SIGLEC6: variants seen among roughly 807,000 people sequenced by gnomAD.
SIGLEC6 encodes sialic acid-binding Ig-like lectin 6.
In SIGLEC6, 31 loss-of-function variants were observed where a neutral mutation model predicts 41.4. That is an observed-to-expected ratio of 0.75 (90% CI 0.56 to 1.01). The LOEUF (loss-of-function observed/expected upper bound fraction) is 1.01, where lower values mean the gene tolerates loss of function less well. Among genes scored for constraint, SIGLEC6 ranks in the 50% least tolerant of loss-of-function variants. The probability of loss-of-function intolerance (pLI) is 0.00; values close to 1 mark genes in which losing one functional copy is unlikely to be tolerated. For missense variants in SIGLEC6, 555 were observed against 558.6 expected (o/e 0.99, Z 0.06); for synonymous variants, 217 against 231.0 (o/e 0.94, Z 0.55).
rs570993725 is a variant in SIGLEC6 at position 51,518,606 on chromosome 19, C to T, written c.*1476G>A. Among the ~76,000 whole-genome samples, 2 of 152,342 alleles carry T rather than the reference C, an allele frequency of 1.3e-5. No individual in the cohort carries two copies. Among genetic ancestry groups the T allele is most frequent in the African/African-American group, 4.8e-5 (2 of 41,588 alleles). On this transcript the variant is annotated 3_prime_UTR_variant, in exon 8 of 8. Coordinates refer to ENST00000425629, the MANE Select transcript of SIGLEC6 (RefSeq NM_001245.7). The stretch of plus-strand genomic sequence containing the variant: ...CCACCCACCTCAGCCTCCCAAAGTG[C>T]TGGGATTACAGGCGTGAGCCACTGC...
At chr19:51,525,569 A>G (rs1979080094) in intron 7 of SIGLEC6, among the ~76,000 whole-genome samples, 1 of 152,156 alleles carries the variant, frequency 6.6e-6, no homozygotes, top group Non-Finnish European at 1.5e-5. Context: ...AGGATATCCC[A>G]GGGTCAACCC....
At chr19:51,528,385 G>A in intron 5 of SIGLEC6, 132 bp from the exon 6 acceptor site, 1 of 732,698 alleles carries the variant, frequency 1.4e-6, no homozygotes, top group South Asian at 1.7e-5. Flanking sequence ...ACTGCCCTGT[G>A]AACCCGGAAC....
rs3072157 is a variant in SIGLEC6 at position 51,529,001 on chromosome 19, C to CA, written c.1012+722dup. Among the ~76,000 whole-genome samples the CA allele has an allele frequency of 3.3e-3, 304 of 92,790 alleles. 4 individuals are homozygous for CA. Among genetic ancestry groups the CA allele is most frequent in the African/African-American group, 9.3e-3 (205 of 21,968 alleles). The allele number at this position is 92,790 out of a possible 152,430, so 60.9% of individuals were successfully genotyped here. A position where few individuals can be genotyped will look rare whatever the true frequency, so the allele number is the denominator to read the frequency against. On this transcript the variant is annotated intron_variant, in intron 5 of 7. Transcript: ENST00000425629. ...CTGGCAACAGAGTGAGACCCTCTCTCAAAAAAAAAAAAAAAAAGGGAAAAT... is the reference window on the plus strand; with the variant it reads ...CTGGCAACAGAGTGAGACCCTCTCTCAAAAAAAAAAAAAAAAAAGGGAAAAT...
At chr19:51,522,380 C>A (rs62116205) in intron 7 of SIGLEC6, among the ~76,000 whole-genome samples, 22 of 152,160 alleles carry the variant, frequency 1.4e-4, no homozygotes, top group African/African-American at 3.9e-4. Context: ...ACTACCTATG[C>A]GAAGAAGCTG....
At chr19:51,529,572 T>C in intron 5 of SIGLEC6, 152 bp downstream of exon 5, 1 of 913,022 alleles carries the variant, frequency 1.1e-6, no homozygotes, top group Admixed American at 2.4e-5. Context: ...GCCACTGCAG[T>C]GTGGACTCTA....
chr19:51,523,383 A>C (rs1399690181), intron 7 of SIGLEC6, among the ~76,000 whole-genome samples: 2 of 152,222 alleles, frequency 1.3e-5, no homozygotes, highest in Non-Finnish European at 2.9e-5. Context: ...GGATCCCAGA[A>C]AGGGGAAGGG....
intron 7 of SIGLEC6, among the ~76,000 whole-genome samples, chr19:51,523,739 C>T (rs949179044): frequency 3.3e-5 from 5 of 152,108 alleles, no homozygotes; most frequent in African/African-American, 7.2e-5. Flanking sequence ...AGTAAGGGTC[C>T]GCTGGGCACA....
intron 7 of SIGLEC6, among the ~76,000 whole-genome samples, chr19:51,523,760 C>T (rs1679302747): frequency 6.6e-6 from 1 of 152,334 alleles, no homozygotes; most frequent in South Asian, 2.1e-4. Flanking sequence ...GTGGCTCACG[C>T]CCGTAATCCC....
At chr19:51,525,462 C>G (rs1353438828) in intron 7 of SIGLEC6, among the ~76,000 whole-genome samples, 1 of 152,194 alleles carries the variant, frequency 6.6e-6, no homozygotes, top group Non-Finnish European at 1.5e-5. Context: ...GTCCCTGCCC[C>G]TGTTATTCCT....
chr19:51,530,902 C>G lies in SIGLEC6; in HGVS notation c.485G>C (p.Ser162Thr). The change falls in exon 3 of 8, where the codon AGC becomes ACC. Residue 162 changes from serine (S) to threonine (T), a missense_variant. Transcript: ENST00000425629. ...CCAGGGCACAGAGCAGGTCAGATTGCTGGGATGGCCAGACTCCAGGGTCCC... is the reference window on the plus strand; with the variant it reads ...CCAGGGCACAGAGCAGGTCAGATTGGTGGGATGGCCAGACTCCAGGGTCCC... ...IPGTLESGHP[S>T]NLTCSVPWVC... 1 of 1,613,572 alleles carries G rather than the reference C, an allele frequency of 6.2e-7. No individual in the cohort carries two copies. The highest frequency in any genetic ancestry group is 8.5e-7 in the Non-Finnish European group (1 of 1,179,994).
In SIGLEC6 at chr19:51,531,535, G is replaced by C. The variant is rs1194308226; in HGVS notation, c.68-16C>G. 1 of 1,613,862 alleles carries C rather than the reference G, an allele frequency of 6.2e-7. No homozygotes were observed. The highest frequency in any genetic ancestry group is 1.1e-5 in the South Asian group (1 of 91,050). On this transcript the variant is annotated splice_polypyrimidine_tract_variant and intron_variant, in intron 1 of 7. Coordinates refer to ENST00000425629, the MANE Select transcript of SIGLEC6 (RefSeq NM_001245.7). ...GCCAGGGCCCCTATGGAGACATGAG[G>C]GTCAGCTCGGCCCAGCCCCACGGCA...
At chr19:51,524,859 A>G (rs1045801506) in intron 7 of SIGLEC6, among the ~76,000 whole-genome samples, 2 of 152,198 alleles carry the variant, frequency 1.3e-5, no homozygotes, top group East Asian at 1.9e-4. Flanking sequence ...CAGGATTGGC[A>G]TGGAGCCAAG....
rs146192807 is a variant in SIGLEC6 at position 51,518,926 on chromosome 19, A to G, written c.*1156T>C. ...GAGTTCTGAACAGGGGGTGACACAG[A>G]CACCTGGTGCTGTGGCCTCTGGGCC... On this transcript the variant is annotated 3_prime_UTR_variant, in exon 8 of 8. Transcript: ENST00000425629. Among the ~76,000 whole-genome samples, 760 of 152,216 alleles carry G rather than the reference A, an allele frequency of 5.0e-3. 7 individuals carry two copies. The highest frequency in any genetic ancestry group is 0.018 in the African/African-American group (727 of 41,528).
Position 51,531,210 on chromosome 19 carries a change from T to C in SIGLEC6, c.377A>G (p.Lys126Arg), listed in dbSNP as rs201620881. ...AGATGTATAACCGTATTTCATCCAT[T>C]TGGACTTCAACCGAAAGAAGTATGC... Reference protein sequence around the residue: ...NAAYFFRLKSKWMKYGYTSSK... With the variant: ...NAAYFFRLKSRWMKYGYTSSK... Residue 126 changes from lysine to arginine, a missense_variant, in exon 2 of 8, where the codon AAA becomes AGA. Physicochemically the swap from Lys to Arg is conservative, Grantham distance 26. Coordinates refer to ENST00000425629, the MANE Select transcript of SIGLEC6 (RefSeq NM_001245.7). The C allele has an allele frequency of 7.4e-6, 12 of 1,611,324 alleles. No homozygotes were observed. The highest frequency in any genetic ancestry group is 4.5e-5 in the East Asian group (2 of 44,848).
In SIGLEC6 at chr19:51,531,611, A is replaced by G. The variant is rs1442803272; in HGVS notation, c.38T>C (p.Leu13Pro). The G allele has an allele frequency of 6.2e-7, 1 of 1,612,900 alleles. No homozygotes were observed. Among genetic ancestry groups the G allele is most frequent in the Non-Finnish European group, 8.5e-7 (1 of 1,179,480 alleles). ...CCACAGCAGGGGCAGCAGCAGCGGT[A>G]GCATCTCTGAGGCGGAGGCTTCCTG... is the stretch of plus-strand genomic sequence containing the variant. The part of the protein sequence containing the change: ...GAQEASASEM[L>P]PLLLPLLWAG... The change falls in exon 1 of 8, where the codon CTA becomes CCA. Residue 13 changes from leucine (L) to proline (P), a missense_variant. By Grantham distance (98) the Leu-to-Pro change is moderately conservative (BLOSUM62 -3). Coordinates refer to ENST00000425629, the MANE Select transcript of SIGLEC6 (RefSeq NM_001245.7).
rs562453144 is a variant in SIGLEC6 at position 51,530,661 on chromosome 19, C to T, written c.706+20G>A. On this transcript the variant is annotated intron_variant, in intron 3 of 7. Coordinates refer to ENST00000425629, the MANE Select transcript of SIGLEC6 (RefSeq NM_001245.7). ...CCCCCCACACCCTCAGGGACCCGGGCGTCCTGGCCCAGCACTCACAGGAGA... is the reference window on the plus strand; with the variant it reads ...CCCCCCACACCCTCAGGGACCCGGGTGTCCTGGCCCAGCACTCACAGGAGA... The T allele has an allele frequency of 9.3e-6, 15 of 1,611,550 alleles. No individual in the cohort carries two copies. The highest frequency in any genetic ancestry group is 2.2e-5 in the East Asian group (1 of 44,788).
Position 51,531,215 on chromosome 19 carries a change from C to T in SIGLEC6, c.372G>A (p.Lys124=), listed in dbSNP as rs1993462. The change falls in exon 2 of 8, where the codon AAG becomes AAA. Residue 124 remains lysine, a synonymous_variant. Coordinates refer to ENST00000425629, the MANE Select transcript of SIGLEC6 (RefSeq NM_001245.7). ...TATAACCGTATTTCATCCATTTGGA[C>T]TTCAACCGAAAGAAGTATGCAGCAT... ...RDNAAYFFRL[K]SKWMKYGYTS... 0.15 allele frequency: 241,905 copies of T among 1,611,680 alleles called. 18,900 individuals are homozygous for T. The highest frequency in any genetic ancestry group is 0.17 in the Middle Eastern group (1,024 of 6,046).
intron 7 of SIGLEC6, among the ~76,000 whole-genome samples, chr19:51,525,131 A>G (rs1978987296): frequency 6.6e-6 from 1 of 152,156 alleles, no homozygotes; most frequent in African/African-American, 2.4e-5. Flanking sequence ...CTCTCAGGGT[A>G]GGGACCACAT....
At position 51,520,198 on chromosome 19, in the gene SIGLEC6, G is replaced by A; in HGVS notation, c.1246C>T (p.Pro416Ser). 1.2e-6 allele frequency: 2 copies of A among 1,609,188 alleles called. No individual in the cohort carries two copies. The highest frequency in any genetic ancestry group is 2.2e-5 in the East Asian group (1 of 44,736). The change falls in exon 8 of 8, where the codon CCC becomes TCC. Residue 416 changes from proline (P) to serine (S), a missense_variant. Pro to Ser is a moderately conservative substitution (Grantham distance 74, BLOSUM62 -1). Coordinates refer to ENST00000425629, the MANE Select transcript of SIGLEC6 (RefSeq NM_001245.7). ...AGCTCCTGCTCATCTTCTGAGATGG[G>A]GCCAGCCTCAGCAGGGTGGTCTGAA... ...IVSDHPAEAG[P>S]ISEDEQELHY...
Sources: allele counts gnomAD v4.1 joint callset (sites outside exome capture counted in the v4.1 genomes callset), GRCh38; gene constraint gnomAD v4.1.1; transcripts MANE v1.5; gene names NCBI Gene and HGNC (gene_info 2026-07-23, HGNC 2026-07-21).